EHBP1: variants seen among roughly 807,000 people sequenced by gnomAD.
The protein encoded by EHBP1 is EH domain-binding protein 1.
In EHBP1, 55 loss-of-function variants were observed where a neutral mutation model predicts 144.0. That is an observed-to-expected ratio of 0.38 (90% CI 0.31 to 0.48). The LOEUF (loss-of-function observed/expected upper bound fraction) is 0.48, where lower values mean the gene tolerates loss of function less well. Among genes scored for constraint, EHBP1 ranks in the 20% least tolerant of loss-of-function variants. The probability of loss-of-function intolerance (pLI) is 0.98; values close to 1 mark genes in which losing one functional copy is unlikely to be tolerated. For missense variants in EHBP1, 1,200 were observed against 1,364.2 expected (o/e 0.88, Z 1.90); for synonymous variants, 469 against 472.7 (o/e 0.99, Z 0.10).
In EHBP1 at chr2:62,948,768, A is replaced by T. The variant is rs766195901; in HGVS notation, c.1922A>T (p.Asp641Val). 8.7e-6 allele frequency: 14 copies of T among 1,614,028 alleles called. No individual in the cohort carries two copies. The highest frequency in any genetic ancestry group is 1.2e-5 in the Non-Finnish European group (14 of 1,180,016). Residue 641 changes from aspartate (D) to valine (V), a missense_variant, in exon 13 of 23, where the codon GAT becomes GTT. By Grantham distance (152) the Asp-to-Val change is radical (BLOSUM62 -3). Coordinates refer to ENST00000431489, the MANE Select transcript of EHBP1 (RefSeq NM_001142616.3). ...SDDPGICSNT[D>V]STQAQVLLGK... is the part of the protein sequence containing the mutation. The stretch of plus-strand genomic sequence containing the variant: ...GACCCTGGAATATGTTCCAATACAG[A>T]TTCAACCCAAGCACAGGTTTTGTTA...
chr2:62,725,628 G>C (rs2036697226), intron 2 of EHBP1, among the ~76,000 whole-genome samples: 1 of 152,196 alleles, frequency 6.6e-6, no homozygotes, highest in Admixed American at 6.5e-5. Flanking sequence ...GGGTGGAGTT[G>C]GATGGCTCTG....
chr2:62,977,186 A>G (rs2153190728), intron 14 of EHBP1, among the ~76,000 whole-genome samples: 1 of 151,562 alleles, frequency 6.6e-6, no homozygotes, highest in Non-Finnish European at 1.5e-5. Context: ...AAAAAAAAAA[A>G]GACATATGCA....
At chr2:62,808,218 CT>C (rs59599464) in intron 5 of EHBP1, among the ~76,000 whole-genome samples, 18,530 of 138,014 alleles carry the variant, frequency 0.13, 1,484 homozygotes, top group Non-Finnish European at 0.19. Context: ...TCTTCTGTTC[CT>C]TTTTTTTTTT....
At chr2:62,899,435 T>C (rs2053220571) in intron 10 of EHBP1, among the ~76,000 whole-genome samples, 1 of 152,218 alleles carries the variant, frequency 6.6e-6, no homozygotes, top group African/African-American at 2.4e-5. Context: ...TGTCCCTTTA[T>C]TGAGAATAAG....
At chr2:62,923,167 A>T (rs529974346) in intron 10 of EHBP1, among the ~76,000 whole-genome samples, 1 of 152,106 alleles carries the variant, frequency 6.6e-6, no homozygotes, top group African/African-American at 2.4e-5. Flanking sequence ...CTCCAAACCT[A>T]CACCAGTGGC....
intron 18 of EHBP1, 66 bp from the exon 19 acceptor site, chr2:62,996,577 T>G: frequency 6.2e-7 from 1 of 1,604,292 alleles, no homozygotes; most frequent in Non-Finnish European, 8.5e-7. Context: ...TACTAAGTGT[T>G]TGTAGAAAGG....
At chr2:62,844,076 G>T (rs904492957) in intron 7 of EHBP1, among the ~76,000 whole-genome samples, 2 of 152,142 alleles carry the variant, frequency 1.3e-5, no homozygotes, top group African/African-American at 4.8e-5. Context: ...ACAAAGCTCA[G>T]AATTTCTTGA....
intron 7 of EHBP1, among the ~76,000 whole-genome samples, chr2:62,836,315 G>A (rs1231057801): frequency 2.0e-5 from 3 of 149,562 alleles, no homozygotes; most frequent in Non-Finnish European, 4.5e-5. Flanking sequence ...CAAACAGAAA[G>A]GACATCCACA....
chr2:62,962,249 C>A (rs562659223), intron 14 of EHBP1, among the ~76,000 whole-genome samples: 1 of 152,264 alleles, frequency 6.6e-6, no homozygotes, highest in Admixed American at 6.5e-5. Flanking sequence ...TCGCTTGAAC[C>A]CAGGAGGCAG....
chr2:62,948,557 G>T lies in EHBP1; in HGVS notation c.1711G>T (p.Asp571Tyr). 4 of 1,614,108 alleles carry T rather than the reference G, an allele frequency of 2.5e-6. No homozygotes were observed. Among genetic ancestry groups the T allele is most frequent in the Non-Finnish European group, 3.4e-6 (4 of 1,180,006 alleles). ...ACAACAGCCTATCAGCGGAGCAGTA[G>T]ACTTCTTATCACAGGATGACTCTGT... ...ELQQPISGAV[D>Y]FLSQDDSVFV... Residue 571 changes from aspartate (D) to tyrosine (Y), a missense_variant, in exon 13 of 23, where the codon GAC becomes TAC. Asp to Tyr is a radical substitution (Grantham distance 160). Around this residue, in one of 6 missense-constraint regions of EHBP1, gnomAD observed 543 missense variants for 513.1 expected, o/e 1.06. Coordinates refer to ENST00000431489, the MANE Select transcript of EHBP1 (RefSeq NM_001142616.3).
rs182034808 is a variant in EHBP1, at chr2:62,914,114, T to A, written c.1186-28604T>A. ...ACAGAATAGTGTAACCACAGCATTT[T>A]AAAAAAAATCTCTGTTAAGCATACA... On this transcript the variant is annotated intron_variant, in intron 10 of 22. Transcript: ENST00000431489. Among the ~76,000 whole-genome samples, 936 of 152,114 alleles carry A rather than the reference T, an allele frequency of 6.2e-3. 11 individuals carry two copies. Among genetic ancestry groups the A allele is most frequent in the African/African-American group, 0.021 (876 of 41,518 alleles).
chr2:62,962,541 A>G (rs2058052953), intron 14 of EHBP1, among the ~76,000 whole-genome samples: 1 of 152,220 alleles, frequency 6.6e-6, no homozygotes. Flanking sequence ...ATAAAGGATG[A>G]TAGTCCTGCT....
intron 10 of EHBP1, among the ~76,000 whole-genome samples, chr2:62,879,793 C>G (rs1035390407): frequency 6.6e-5 from 10 of 151,822 alleles, no homozygotes; most frequent in Non-Finnish European, 1.2e-4. Context: ...AAGCAATTTG[C>G]AGATTCAATG....
chr2:62,841,750 TTTTCTTTCTCTTTCC>T (rs2047894888), intron 7 of EHBP1, among the ~76,000 whole-genome samples: 2 of 152,312 alleles, frequency 1.3e-5, no homozygotes, highest in Admixed American at 1.3e-4. Flanking sequence ...TTTTCTTTTC[TTTTCTTTCTCTTTCC>T]TTTCTTTCTT....
intron 5 of EHBP1, among the ~76,000 whole-genome samples, chr2:62,809,292 GAAAAAAA>G (rs985494969): frequency 1.1e-4 from 5 of 46,574 alleles, no homozygotes; most frequent in African/African-American, 3.6e-4. Flanking sequence ...CTATGTCTCA[GAAAAAAA>G]AAAAAAAAAA....
intron 2 of EHBP1, among the ~76,000 whole-genome samples, chr2:62,732,975 G>A (rs1217672503): frequency 1.3e-5 from 2 of 151,994 alleles, no homozygotes; most frequent in African/African-American, 2.4e-5. Context: ...GATTTCTTGC[G>A]TTTCCTTTTG....
At position 62,977,480 on chromosome 2, in the gene EHBP1, A is replaced by T. The variant is rs1212500176; in HGVS notation, c.2461-1708A>T. On this transcript the variant is annotated intron_variant, in intron 14 of 22. Coordinates refer to ENST00000431489, the MANE Select transcript of EHBP1 (RefSeq NM_001142616.3). ...AAATCCTACTCATTCTTCAGACCCA[A>T]CTTGAAATCCATGATGGTATGATAC... Among the ~76,000 whole-genome samples the T allele has an allele frequency of 2.0e-5, 3 of 152,138 alleles. 1 individual carries two copies. The East Asian group carries it at 5.8e-4, about 29-fold the overall frequency.
chr2:62,938,845 T>C (rs2056561009), intron 10 of EHBP1, among the ~76,000 whole-genome samples: 1 of 152,170 alleles, frequency 6.6e-6, no homozygotes. Context: ...GAAAAAACTT[T>C]TTATGATCTT....
intron 4 of EHBP1, among the ~76,000 whole-genome samples, chr2:62,766,344 T>C (rs1007850238): frequency 6.6e-6 from 1 of 152,050 alleles, no homozygotes; most frequent in African/African-American, 2.4e-5. Context: ...CTAGGTACGA[T>C]CTCAACTATG....
Sources: gnomAD v4.1 joint callset for allele counts (sites outside exome capture counted in the v4.1 genomes callset) on GRCh38, gnomAD v4.1.1 for gene constraint, gnomAD v4.1.1 regional missense constraint, MANE v1.5 for transcripts, NCBI Gene and HGNC (gene_info 2026-07-23, HGNC 2026-07-21) for gene names.